The following ACVR1C variants were observed in gnomAD, a reference collection of about 807,000 sequenced individuals.
ACVR1C encodes the protein activin receptor type-1C.
A neutral mutation model predicts 57.9 loss-of-function variants in ACVR1C; 23 were observed. That is an observed-to-expected ratio of 0.40 (90% CI 0.29 to 0.56). The LOEUF (loss-of-function observed/expected upper bound fraction) is 0.56. Among genes scored for constraint, ACVR1C ranks in the 20% least tolerant of loss-of-function variants. The pLI, the probability that ACVR1C is intolerant of heterozygous loss-of-function variation, is 0.50. For synonymous variants in ACVR1C, 214 were observed against 215.3 expected, an observed-to-expected ratio of 0.99 and a Z score of 0.05; for missense variants, 480 against 607.9, an observed-to-expected ratio of 0.79 and a Z score of 2.21.
At chr2:157,592,126 C>A (rs1176236459) in intron 1 of ACVR1C, among the ~76,000 whole-genome samples, 1 of 152,022 alleles carries the variant, frequency 6.6e-6, no homozygotes, top group Non-Finnish European at 1.5e-5. Context: ...TTCTACCTAC[C>A]TATTTTCTGA....
In ACVR1C at chr2:157,628,504, G is replaced by A; in HGVS notation, c.73+68C>T. The A allele has an allele frequency of 2.0e-5, 30 of 1,520,190 alleles. No individual in the cohort carries two copies. The South Asian group carries it at 3.0e-4, about 15-fold the overall frequency. 94.2% of individuals were successfully genotyped at this position (1,520,190 alleles called of 1,614,324 possible). A position where few individuals can be genotyped will look rare whatever the true frequency, so the allele number is the denominator to read the frequency against. ...GGAGCACCCCCTGTCCCCCACCCCC[G>A]TGCTCACCCGCAGACCTCCTCCCAG... On this transcript the variant is annotated intron_variant, in intron 1 of 8. Transcript: ENST00000243349.
intron 2 of ACVR1C, among the ~76,000 whole-genome samples, chr2:157,567,980 C>T (rs1198796859): frequency 7.5e-6 from 1 of 134,080 alleles, no homozygotes; most frequent in Non-Finnish European, 1.6e-5. Context: ...GGTCGGGTTA[C>T]CCTCAAAGGA....
chr2:157,598,356 G>A (rs1448147030), intron 1 of ACVR1C, among the ~76,000 whole-genome samples: 1 of 149,492 alleles, frequency 6.7e-6, no homozygotes, highest in Non-Finnish European at 1.5e-5. Context: ...TTTATTAAAA[G>A]AATAAAAATA....
At chr2:157,563,974 AT>A (rs1688301479) in intron 2 of ACVR1C, among the ~76,000 whole-genome samples, 1 of 152,244 alleles carries the variant, frequency 6.6e-6, no homozygotes, top group African/African-American at 2.4e-5. Flanking sequence ...CTCAAGATGG[AT>A]TAAAGGCTTA....
rs1269779961 is a variant in ACVR1C, at chr2:157,565,523, T to C, written c.305-9191A>G. On this transcript the variant is annotated intron_variant, in intron 2 of 8. Coordinates refer to ENST00000243349, the MANE Select transcript of ACVR1C (RefSeq NM_145259.3). ...CTTTTGCAAACAGCAAACATAATTATGTCAGAGGGGTTATCTGGGATCAAT... is the reference window on the plus strand; with the variant it reads ...CTTTTGCAAACAGCAAACATAATTACGTCAGAGGGGTTATCTGGGATCAAT... 3.9e-5 allele frequency among the ~76,000 whole-genome samples: 6 copies of C among 152,306 alleles called. No individual in the cohort carries two copies. In the East Asian group the frequency reaches 5.8e-4, roughly 15 times the overall value.
chr2:157,610,951 T>C (rs1682517980), intron 1 of ACVR1C, among the ~76,000 whole-genome samples: 1 of 152,188 alleles, frequency 6.6e-6, no homozygotes, highest in Non-Finnish European at 1.5e-5. Flanking sequence ...TTTGTACTAT[T>C]TTTCAAAGTT....
chr2:157,599,311 GCT>G (rs1446566529), intron 1 of ACVR1C, among the ~76,000 whole-genome samples: 1 of 88,416 alleles, frequency 1.1e-5, no homozygotes, highest in Non-Finnish European at 2.0e-5. Flanking sequence ...TACAGCCTGG[GCT>G]CAAAAAAAAA....
chr2:157,582,937 T>G (rs1394647493), intron 2 of ACVR1C, among the ~76,000 whole-genome samples: 1 of 152,174 alleles, frequency 6.6e-6, no homozygotes, highest in East Asian at 1.9e-4. Context: ...TGGAGTGCAG[T>G]GTGGCACGAT....
rs961596371 is a variant in ACVR1C at position 157,604,466 on chromosome 2, A to T, written c.74-17049T>A. 2.0e-5 allele frequency among the ~76,000 whole-genome samples: 3 copies of T among 152,052 alleles called. No homozygotes were observed. The East Asian group carries it at 5.8e-4, about 29-fold the overall frequency. ...TGAATGCATATACAACCATTTGTTTATCCATTCATCAGTTAAAGGACATTT... is the reference window on the plus strand; with the variant it reads ...TGAATGCATATACAACCATTTGTTTTTCCATTCATCAGTTAAAGGACATTT... On this transcript the variant is annotated intron_variant, in intron 1 of 8. Coordinates refer to ENST00000243349, the MANE Select transcript of ACVR1C (RefSeq NM_145259.3).
chr2:157,611,903 C>T (rs1308995164), intron 1 of ACVR1C, among the ~76,000 whole-genome samples: 3 of 152,166 alleles, frequency 2.0e-5, no homozygotes. Context: ...CTGTAGTAGA[C>T]AAGGTGAGGT....
intron 6 of ACVR1C, among the ~76,000 whole-genome samples, 195 bp downstream of exon 6, chr2:157,542,511 T>C (rs1050909140): frequency 5.3e-5 from 8 of 152,216 alleles, no homozygotes; most frequent in Non-Finnish European, 1.0e-4. Flanking sequence ...GCAATCCATA[T>C]GGCCCAAAGT....
intron 2 of ACVR1C, among the ~76,000 whole-genome samples, chr2:157,578,901 T>C (rs1249821004): frequency 6.6e-6 from 1 of 152,234 alleles, no homozygotes; most frequent in African/African-American, 2.4e-5. Context: ...CTGAATTTAA[T>C]GTTAATCTCT....
In ACVR1C at chr2:157,529,640, G is replaced by T. The variant is rs1029715062; in HGVS notation, c.*4278C>A. 6.6e-5 allele frequency: 10 copies of T among 152,030 alleles called. No homozygotes were observed. The highest frequency in any genetic ancestry group is 2.2e-4 in the African/African-American group (9 of 41,396). 9.4% of individuals were successfully genotyped at this position (152,030 alleles called of 1,614,324 possible). On this transcript the variant is annotated 3_prime_UTR_variant, in exon 9 of 9. Coordinates refer to ENST00000243349, the MANE Select transcript of ACVR1C (RefSeq NM_145259.3). ...ATTGGAATAACTTTATATAATCTCT[G>T]AGAGTACTAAGGGATTCTCTTTCAT...
intron 3 of ACVR1C, 101 bp from the exon 4 acceptor site, chr2:157,550,493 G>T (rs1687888663): frequency 1.9e-6 from 2 of 1,061,346 alleles, no homozygotes; most frequent in South Asian, 1.6e-5. Context: ...ACATTTAAAT[G>T]CTTTAATAAT....
intron 4 of ACVR1C, among the ~76,000 whole-genome samples, chr2:157,545,985 T>C (rs898736355): frequency 6.6e-6 from 1 of 152,150 alleles, no homozygotes; most frequent in Non-Finnish European, 1.5e-5. Context: ...TTTCACCATG[T>C]TGGCCAGGCT....
intron 1 of ACVR1C, among the ~76,000 whole-genome samples, chr2:157,590,027 A>G (rs1270741833): frequency 6.6e-6 from 1 of 151,862 alleles, no homozygotes; most frequent in Non-Finnish European, 1.5e-5. Flanking sequence ...ACAAAAATCA[A>G]CTCAAGAGGA....
At chr2:157,576,367 C>G (rs1005462646) in intron 2 of ACVR1C, among the ~76,000 whole-genome samples, 1 of 151,632 alleles carries the variant, frequency 6.6e-6, no homozygotes, top group East Asian at 1.9e-4. Context: ...CACCATGCCC[C>G]GCTAATTTTT....
intron 4 of ACVR1C, among the ~76,000 whole-genome samples, chr2:157,549,412 C>A (rs1215890336): frequency 1.3e-5 from 2 of 152,018 alleles, no homozygotes; most frequent in Non-Finnish European, 2.9e-5. Flanking sequence ...CCCTAGACAC[C>A]CTGATGCCTC....
At chr2:157,562,428 T>C (rs1194216228) in intron 2 of ACVR1C, among the ~76,000 whole-genome samples, 2 of 144,888 alleles carry the variant, frequency 1.4e-5, no homozygotes, top group African/African-American at 2.5e-5. Flanking sequence ...AGTTGTGAAA[T>C]TGAGGCAGTA....
Sources: gnomAD v4.1 joint callset for allele counts (sites outside exome capture counted in the v4.1 genomes callset) on GRCh38, gnomAD v4.1.1 for gene constraint, MANE v1.5 for transcripts, NCBI Gene and HGNC (gene_info 2026-07-23, HGNC 2026-07-21) for gene names.